Variants in ADH1C observed in about 807,000 individuals in gnomAD.
ADH1C encodes alcohol dehydrogenase 1C (class I), gamma polypeptide.
A neutral mutation model predicts 35.0 loss-of-function variants in ADH1C; 26 were observed. That is an observed-to-expected ratio of 0.74 (90% CI 0.54 to 1.03). ADH1C has a LOEUF of 1.03. Ranked by LOEUF, ADH1C falls within the 50% of genes least tolerant of loss-of-function variation. The pLI, the probability that ADH1C is intolerant of heterozygous loss-of-function variation, is 0.00. For missense variants in ADH1C, 413 were observed against 465.4 expected, an observed-to-expected ratio of 0.89 and a Z score of 1.04; for synonymous variants, 170 against 169.3, an observed-to-expected ratio of 1.00 and a Z score of -0.03.
At chr4:99,344,117 G>A (rs1734473490) in intron 5 of ADH1C, among the ~76,000 whole-genome samples, 1 of 152,164 alleles carries the variant, frequency 6.6e-6, no homozygotes, top group Non-Finnish European at 1.5e-5. Context: ...TTTAGTCTTA[G>A]TGCTCATATT....
chr4:99,342,095 A>G (rs904094), intron 6 of ADH1C, among the ~76,000 whole-genome samples: 47,388 of 151,958 alleles, frequency 0.31, 8,821 homozygotes, highest in Non-Finnish European at 0.41. Flanking sequence ...CCACATGATG[A>G]GTTGTGTTGC....
rs369471308 is a variant in ADH1C at position 99,342,913 on chromosome 4, C to T, written c.710G>A (p.Gly237Asp). 2.5e-6 allele frequency: 4 copies of T among 1,613,988 alleles called. No individual in the cohort carries two copies. The African/African-American group carries it at 5.3e-5, about 22-fold the overall frequency. ...TTGAGGGTTGATGCATTCAGTGGCA[C>T]CCAACTCTTTAGCCTTTGCAAATTT... is the stretch of plus-strand genomic sequence containing the variant. ...KDKFAKAKEL[G>D]ATECINPQDY... The change falls in exon 6 of 9, where the codon GGT (glycine) becomes GAT (aspartate). Residue 237 changes from glycine (G) to aspartate (D), a missense_variant. By Grantham distance (94) the Gly-to-Asp change is moderately conservative. Transcript: ENST00000515683.
intron 8 of ADH1C, 46 bp downstream of exon 8, chr4:99,339,531 C>G: frequency 8.3e-7 from 1 of 1,205,816 alleles, no homozygotes; most frequent in Non-Finnish European, 1.1e-6. Flanking sequence ...CCCCCCGCCG[C>G]TACTGTAGAA....
At chr4:99,350,356 G>C (rs1165134462) in intron 1 of ADH1C, among the ~76,000 whole-genome samples, 2 of 152,086 alleles carry the variant, frequency 1.3e-5, no homozygotes, top group African/African-American at 4.8e-5. Flanking sequence ...TTTGAGATTT[G>C]CTGCATGTGT....
At chr4:99,339,045 ATTT>A (rs900693174) in intron 8 of ADH1C, among the ~76,000 whole-genome samples, 9 of 151,528 alleles carry the variant, frequency 5.9e-5, no homozygotes, top group Non-Finnish European at 8.8e-5. Context: ...TTCTTAGTAA[ATTT>A]TTTTTTCTAA....
intron 3 of ADH1C, among the ~76,000 whole-genome samples, 195 bp from the exon 4 acceptor site, chr4:99,345,461 A>T (rs1221310649): frequency 1.3e-5 from 2 of 152,264 alleles, no homozygotes; most frequent in East Asian, 1.9e-4. Context: ...GTGCCTGAAG[A>T]ATCCTAAAGA....
rs1734283373 is a variant in ADH1C, at chr4:99,336,663, A to T, written c.*89T>A. ...TTTATTTTTAACATCTCTGAAGAGC[A>T]GAATTAATGATATTTCCTAGCTGTT... is the stretch of plus-strand genomic sequence containing the variant. On this transcript the variant is annotated 3_prime_UTR_variant, in exon 9 of 9. Transcript: ENST00000515683. The T allele has an allele frequency of 2.7e-6, 4 of 1,476,294 alleles. No individual in the cohort carries two copies. The highest frequency in any genetic ancestry group is 2.3e-5 in the South Asian group (2 of 87,284). The allele number at this position is 1,476,294 out of a possible 1,614,324, so 91.4% of individuals were successfully genotyped here.
At chr4:99,344,833 C>A (rs370819059) in intron 5 of ADH1C, 29 bp downstream of exon 5, 9 of 1,613,758 alleles carry the variant, frequency 5.6e-6, no homozygotes, top group Non-Finnish European at 6.8e-6. Context: ...CTGCGTGTAA[C>A]CGGTTTTATC....
intron 3 of ADH1C, among the ~76,000 whole-genome samples, chr4:99,345,800 G>T (rs1734518206): frequency 6.6e-6 from 1 of 152,106 alleles, no homozygotes; most frequent in Non-Finnish European, 1.5e-5. Context: ...TTTTCAAAAA[G>T]ATCTTAGTTC....
At position 99,341,044 on chromosome 4, in the gene ADH1C, T is replaced by C. The variant is rs34918164; in HGVS notation, c.829-334A>G. ...ACATCATTCTTAGGCAATGTGTGAG[T>C]TGGTTCCTTTTTCATTGATTTATTA... On this transcript the variant is annotated intron_variant, in intron 6 of 8. Coordinates refer to ENST00000515683, the MANE Select transcript of ADH1C (RefSeq NM_000669.5). 1.4e-3 allele frequency among the ~76,000 whole-genome samples: 210 copies of C among 152,334 alleles called. 1 individual carries two copies. The highest frequency in any genetic ancestry group is 4.9e-3 in the African/African-American group (202 of 41,584).
chr4:99,338,642 G>GA (rs1177102890), intron 8 of ADH1C, among the ~76,000 whole-genome samples: 6 of 149,210 alleles, frequency 4.0e-5, no homozygotes, highest in Admixed American at 1.4e-4. Context: ...AATCACATGA[G>GA]AAAATGCATG....
intron 2 of ADH1C, among the ~76,000 whole-genome samples, 179 bp downstream of exon 2, chr4:99,347,566 T>C (rs1250632785): frequency 1.3e-5 from 2 of 151,958 alleles, no homozygotes; most frequent in African/African-American, 4.8e-5. Flanking sequence ...ATCCTTCATA[T>C]ACTGTTTGCC....
At chr4:99,348,475 C>A (rs1261354346) in intron 1 of ADH1C, among the ~76,000 whole-genome samples, 1 of 151,088 alleles carries the variant, frequency 6.6e-6, no homozygotes, top group Non-Finnish European at 1.5e-5. Context: ...TTTATGGCTG[C>A]ATAGTATTCC....
At chr4:99,351,575 G>C (rs1734680553) in intron 1 of ADH1C, among the ~76,000 whole-genome samples, 1 of 152,140 alleles carries the variant, frequency 6.6e-6, no homozygotes, top group Non-Finnish European at 1.5e-5. Flanking sequence ...TATTTTCTAT[G>C]AGGAATGTAA....
Position 99,339,840 on chromosome 4 carries a change from A to G in ADH1C, c.965-125T>C, listed in dbSNP as rs1033226784. ...ATTCCAGACTGCTATAACTGAGGAT[A>G]ATAAGAGATAGAGTACTTCAATATG... is the stretch of plus-strand genomic sequence containing the variant. On this transcript the variant is annotated intron_variant, in intron 7 of 8. Coordinates refer to ENST00000515683, the MANE Select transcript of ADH1C (RefSeq NM_000669.5). 5 of 909,052 alleles carry G rather than the reference A, an allele frequency of 5.5e-6. No individual in the cohort carries two copies. The East Asian group carries it at 7.7e-5, about 14-fold the overall frequency. The allele number at this position is 909,052 out of a possible 1,614,324, so 56.3% of individuals were successfully genotyped here.
intron 6 of ADH1C, among the ~76,000 whole-genome samples, chr4:99,341,011 A>T (rs1352137275): frequency 3.3e-5 from 5 of 152,236 alleles, no homozygotes; most frequent in African/African-American, 1.2e-4. Flanking sequence ...TGTTCCTTGT[A>T]CAAGTGTACA....
chr4:99,347,666 G>A lies in ADH1C; in HGVS notation c.120+79C>T, dbSNP rs985664094. ...AATTATATAAAAAATACCTCTAGTG[G>A]ATTTTGGATGTTTCTATTTTTAATA... is the stretch of plus-strand genomic sequence containing the variant. On this transcript the variant is annotated intron_variant, in intron 2 of 8. Coordinates refer to ENST00000515683, the MANE Select transcript of ADH1C (RefSeq NM_000669.5). 11 of 1,318,538 alleles carry A rather than the reference G, an allele frequency of 8.3e-6. No individual in the cohort carries two copies. The Admixed American group carries it at 2.5e-4, about 29-fold the overall frequency. The allele number at this position is 1,318,538 out of a possible 1,614,324, so 81.7% of individuals were successfully genotyped here.
At chr4:99,343,697 T>C (rs1734465710) in intron 5 of ADH1C, among the ~76,000 whole-genome samples, 1 of 152,202 alleles carries the variant, frequency 6.6e-6, no homozygotes. Context: ...ATAAAATCTG[T>C]TGTTATGAGT....
At chr4:99,348,706 A>C (rs1306366832) in intron 1 of ADH1C, among the ~76,000 whole-genome samples, 16 of 151,120 alleles carry the variant, frequency 1.1e-4, no homozygotes, top group African/African-American at 2.9e-4. Flanking sequence ...CGCCACACTG[A>C]CTTCCACAAT....
Sources: allele counts gnomAD v4.1 joint callset (sites outside exome capture counted in the v4.1 genomes callset), GRCh38; gene constraint gnomAD v4.1.1; transcripts MANE v1.5; gene names NCBI Gene and HGNC (gene_info 2026-07-23, HGNC 2026-07-21).